DIAPH1: variants seen among roughly 807,000 people sequenced by gnomAD.
DIAPH1 encodes the protein diaphanous related formin 1.
Under a neutral mutation model 140.7 loss-of-function variants are expected in DIAPH1, and 46 were observed. The ratio of observed to expected loss-of-function variants is 0.33; its 90% CI spans 0.26 to 0.42. The LOEUF is 0.42. Among genes scored for constraint, DIAPH1 ranks in the 10% least tolerant of loss-of-function variants. The pLI, the probability that DIAPH1 is intolerant of heterozygous loss-of-function variation, is 1.00. For synonymous variants in DIAPH1, 565 were observed against 551.6 expected (o/e 1.02, Z -0.34); for missense variants, 1,310 against 1,558.7 (o/e 0.84, Z 2.69).
intron 1 of DIAPH1, among the ~76,000 whole-genome samples, chr5:141,595,196 A>G (rs1220139431): frequency 6.6e-6 from 1 of 152,178 alleles, no homozygotes; most frequent in Non-Finnish European, 1.5e-5. Flanking sequence ...GGTTATGAAT[A>G]AATAGAGCAC....
rs1300264058 is a variant in DIAPH1, at chr5:141,576,756, C to T, written c.1396G>A (p.Asp466Asn). ...HLQIEIEGLI[D>N]QMIDKTKVEK... ...GAGCCAGATAGAAGAGTATGCTTAC[C>T]AATTAATCCCTCAATCTCAATCTGG... Residue 466 changes from aspartate to asparagine, a missense_variant and splice_region_variant, in exon 13 of 28, where the codon GAT (aspartate) becomes AAT (asparagine). Coordinates refer to ENST00000389054, the MANE Select transcript of DIAPH1 (RefSeq NM_005219.5). 3.1e-6 allele frequency: 5 copies of T among 1,594,598 alleles called. No homozygotes were observed. The highest frequency in any genetic ancestry group is 4.3e-6 in the Non-Finnish European group (5 of 1,162,542).
intron 18 of DIAPH1, among the ~76,000 whole-genome samples, chr5:141,559,730 T>C (rs1241791754): frequency 6.6e-6 from 1 of 152,090 alleles, no homozygotes; most frequent in Non-Finnish European, 1.5e-5. Context: ...GGGGAAGGAC[T>C]GGAAGGACAG....
rs936485809 is a variant in DIAPH1, at chr5:141,580,730, T to C, written c.824+14A>G. 6.2e-7 allele frequency: 1 copy of C among 1,613,326 alleles called. No individual in the cohort carries two copies. The highest frequency in any genetic ancestry group is 1.7e-5 in the Admixed American group (1 of 60,018). ...AATTGAAAATGGAGAAGAAAAATTA[T>C]TCCAGTCACATACATGTCCTCTGGC... is the stretch of plus-strand genomic sequence containing the variant. On this transcript the variant is annotated intron_variant, in intron 8 of 27. Coordinates refer to ENST00000389054, the MANE Select transcript of DIAPH1 (RefSeq NM_005219.5).
At chr5:141,571,868 A>C in intron 17 of DIAPH1, 58 bp downstream of exon 17, 1 of 1,253,512 alleles carries the variant, frequency 8.0e-7, no homozygotes, top group Non-Finnish European at 1.2e-6. Context: ...AGGAAACCTA[A>C]TGAAAAAATA....
chr5:141,529,863 C>G (rs576547660), intron 19 of DIAPH1, among the ~76,000 whole-genome samples, 166 bp from the exon 20 acceptor site: 2 of 152,060 alleles, frequency 1.3e-5, no homozygotes, highest in Admixed American at 1.3e-4. Flanking sequence ...GTGGGCGGAT[C>G]GCTTGAGCCC....
At chr5:141,608,073 G>A (rs1439006931) in intron 1 of DIAPH1, among the ~76,000 whole-genome samples, 2 of 152,262 alleles carry the variant, frequency 1.3e-5, no homozygotes, top group Non-Finnish European at 2.9e-5. Context: ...CAGGGTGGGA[G>A]ATAAAGGTTC....
intron 1 of DIAPH1, among the ~76,000 whole-genome samples, chr5:141,602,652 AAC>A (rs1043087198): frequency 9.8e-5 from 15 of 152,324 alleles, no homozygotes; most frequent in African/African-American, 3.6e-4. Context: ...TAAATAATAA[AAC>A]AGATATAAAG....
chr5:141,562,077 A>C (rs1230548706), intron 18 of DIAPH1, among the ~76,000 whole-genome samples: 1 of 152,212 alleles, frequency 6.6e-6, no homozygotes, highest in Non-Finnish European at 1.5e-5. Flanking sequence ...CTCTAGCATA[A>C]GTTGCCATAC....
At position 141,540,711 on chromosome 5, in the gene DIAPH1, T is replaced by C. The variant is rs914220350; in HGVS notation, c.2483-6278A>G. The stretch of plus-strand genomic sequence containing the variant: ...GATTACAGGCATGAGCCACTGCACC[T>C]GGTCTCAGGAAAATTTTTAAACAGA... On this transcript the variant is annotated intron_variant, in intron 18 of 27. Transcript: ENST00000389054. Among the ~76,000 whole-genome samples, 97 of 151,200 alleles carry C rather than the reference T, an allele frequency of 6.4e-4. 2 individuals carry two copies. Among genetic ancestry groups the C allele is most frequent in the Non-Finnish European group, 2.4e-4 (16 of 67,804 alleles).
Position 141,573,576 on chromosome 5 carries a change from AG to A in DIAPH1, c.2273del (p.Pro758LeufsTer10), listed in dbSNP as rs1381635959. 1 of 1,613,898 alleles carries A rather than the reference AG, an allele frequency of 6.2e-7. No homozygotes were observed. The highest frequency in any genetic ancestry group is 2.2e-5 in the East Asian group (1 of 44,864). The part of the protein sequence containing the change: ...PPPPPFGFGV[P>X]AAPVLPFGLT... ...ATCCAAATGGCAGAACTGGGGCTGC[AG>A]GAACTCCAAATCCAAATGGGGGAGG... On this transcript the variant is annotated frameshift_variant, in exon 16 of 28. Transcript: ENST00000389054. LOFTEE classifies it high-confidence loss of function.
intron 1 of DIAPH1, among the ~76,000 whole-genome samples, chr5:141,600,156 G>A (rs945338063): frequency 6.6e-6 from 1 of 152,170 alleles, no homozygotes; most frequent in African/African-American, 2.4e-5. Context: ...AGGTGGAGGG[G>A]GCCAAAAGGC....
At chr5:141,593,924 C>T (rs769977594) in intron 1 of DIAPH1, among the ~76,000 whole-genome samples, 2 of 152,074 alleles carry the variant, frequency 1.3e-5, no homozygotes, top group African/African-American at 4.8e-5. Context: ...TCAAGCCTCC[C>T]GAGTAGCTGG....
chr5:141,605,000 C>G (rs1245342439), intron 1 of DIAPH1, among the ~76,000 whole-genome samples: 1 of 152,090 alleles, frequency 6.6e-6, no homozygotes, highest in Non-Finnish European at 1.5e-5. Flanking sequence ...GAACTATGTT[C>G]TAACACAAAC....
At chr5:141,558,916 TAAAA>T (rs11315376) in intron 18 of DIAPH1, among the ~76,000 whole-genome samples, 12 of 143,748 alleles carry the variant, frequency 8.3e-5, no homozygotes, top group Non-Finnish European at 1.1e-4. Context: ...CACAAGTTGT[TAAAA>T]AAAAAAAAAA....
chr5:141,536,837 G>C (rs1167700935), intron 18 of DIAPH1, among the ~76,000 whole-genome samples: 1 of 152,056 alleles, frequency 6.6e-6, no homozygotes, highest in African/African-American at 2.4e-5. Context: ...GAAGGGAAGA[G>C]CAGGAGATGA....
chr5:141,525,657 A>C (rs751141549), intron 26 of DIAPH1, among the ~76,000 whole-genome samples: 1 of 152,216 alleles, frequency 6.6e-6, no homozygotes. Context: ...CACAATTAAA[A>C]GATGGGAGGA....
chr5:141,587,779 G>A (rs189775136), intron 2 of DIAPH1, among the ~76,000 whole-genome samples: 5 of 152,226 alleles, frequency 3.3e-5, no homozygotes, highest in African/African-American at 9.6e-5. Context: ...ATGACATCTC[G>A]TCAGCAAAGA....
chr5:141,575,516 G>A (rs1462096186), intron 14 of DIAPH1, among the ~76,000 whole-genome samples: 1 of 152,090 alleles, frequency 6.6e-6, no homozygotes, highest in Non-Finnish European at 1.5e-5. Context: ...GGGCATGGTG[G>A]TGGGCACCTG....
chr5:141,585,544 G>A (rs995891092), intron 3 of DIAPH1, among the ~76,000 whole-genome samples: 12 of 152,052 alleles, frequency 7.9e-5, no homozygotes, highest in African/African-American at 1.7e-4. Flanking sequence ...GCTCATGCCC[G>A]TAATCCCAGC....
Sources: gnomAD v4.1 joint callset for allele counts (sites outside exome capture counted in the v4.1 genomes callset) on GRCh38, gnomAD v4.1.1 for gene constraint, MANE v1.5 for transcripts, NCBI Gene and HGNC (gene_info 2026-07-23, HGNC 2026-07-21) for gene names.